Variants in PAK2 observed in about 807,000 individuals in gnomAD.
PAK2 encodes serine/threonine-protein kinase PAK 2.
In PAK2, 21 loss-of-function variants were observed where a neutral mutation model predicts 65.9. The ratio of observed to expected loss-of-function variants is 0.32; its 90% CI spans 0.23 to 0.46. PAK2 has a LOEUF of 0.46. Ranked by LOEUF, PAK2 falls within the 20% of genes least tolerant of loss-of-function variation. The pLI, the probability that PAK2 is intolerant of heterozygous loss-of-function variation, is 1.00. For missense variants in PAK2, 324 were observed against 642.6 expected, an observed-to-expected ratio of 0.50 and a Z score of 5.36; for synonymous variants, 204 against 219.7, an observed-to-expected ratio of 0.93 and a Z score of 0.63.
At chr3:196,807,712 A>G (rs1715630618) in intron 6 of PAK2, 70 bp from the exon 7 acceptor site, 4 of 865,536 alleles carry the variant, frequency 4.6e-6, no homozygotes, top group Admixed American at 4.5e-5. Context: ...AAAGAACTGA[A>G]TTAGTTTGCC....
Position 196,820,532 on chromosome 3 carries a change from G to A in PAK2, c.1315G>A (p.Gly439Arg). The A allele has an allele frequency of 1.2e-6, 2 of 1,608,226 alleles. No individual in the cohort carries two copies. Among genetic ancestry groups the A allele is most frequent in the Non-Finnish European group, 1.7e-6 (2 of 1,176,242 alleles). The change falls in exon 13 of 15, where the codon GGA (glycine) becomes AGA (arginine). Residue 439 changes from glycine to arginine, a missense_variant. Coordinates refer to ENST00000327134, the MANE Select transcript of PAK2 (RefSeq NM_002577.4). This position sits in a 1 kb window ranked among gnomAD's most constrained non-coding sequence, Gnocchi z 4.6. ...LGIMAIEMVEGEPPYLNENPL... is the reference protein window; with the variant it reads ...LGIMAIEMVEREPPYLNENPL... The stretch of plus-strand genomic sequence containing the variant: ...TATCATGGCTATTGAGATGGTAGAA[G>A]GAGAGCCTCCATACCTCAATGAAAA...
At chr3:196,772,273 C>T (rs1011684890) in intron 1 of PAK2, among the ~76,000 whole-genome samples, 23 of 152,282 alleles carry the variant, frequency 1.5e-4, no homozygotes, top group African/African-American at 5.5e-4. Context: ...CTGGGTTTTA[C>T]TACCTGTCCC....
intron 1 of PAK2, among the ~76,000 whole-genome samples, chr3:196,761,145 CTTT>C (rs58174238): frequency 8.4e-6 from 1 of 119,526 alleles, no homozygotes; most frequent in African/African-American, 3.2e-5. Context: ...AGGAGAACCG[CTTT>C]TTTTTTTTTT....
intron 1 of PAK2, among the ~76,000 whole-genome samples, chr3:196,767,783 C>T (rs547653207): frequency 2.0e-5 from 3 of 152,152 alleles, no homozygotes; most frequent in African/African-American, 4.8e-5. Context: ...CGTGAGCCAC[C>T]GTGCCCGGCT....
intron 2 of PAK2, among the ~76,000 whole-genome samples, chr3:196,796,021 G>T (rs539660510): frequency 2.6e-5 from 4 of 152,304 alleles, no homozygotes; most frequent in Admixed American, 2.0e-4. Flanking sequence ...GATCCCTCGC[G>T]TGTGCAGTCC....
intron 1 of PAK2, among the ~76,000 whole-genome samples, chr3:196,745,413 C>T (rs1319788486): frequency 6.6e-6 from 1 of 151,774 alleles, no homozygotes; most frequent in African/African-American, 2.4e-5. Flanking sequence ...CGTGAGCCAC[C>T]GTGCCCAGCC....
At chr3:196,817,182 T>TTTTTG (rs1711508889) in intron 11 of PAK2, among the ~76,000 whole-genome samples, 2 of 124,022 alleles carry the variant, frequency 1.6e-5, no homozygotes, top group African/African-American at 3.3e-5. Flanking sequence ...TTTTTTTTTT[T>TTTTTG]GAGACTGAGT....
chr3:196,817,904 T>C (rs1711525556), intron 11 of PAK2, among the ~76,000 whole-genome samples, 153 bp from the exon 12 acceptor site: 1 of 152,144 alleles, frequency 6.6e-6, no homozygotes, highest in Non-Finnish European at 1.5e-5. Flanking sequence ...CATAACTTTG[T>C]ATATAAGAGA....
intron 2 of PAK2, among the ~76,000 whole-genome samples, chr3:196,797,416 T>C (rs996075890): frequency 1.3e-4 from 19 of 151,834 alleles, no homozygotes; most frequent in African/African-American, 4.4e-4. Context: ...TGAGCTGAGG[T>C]TGCGCCACTG....
At chr3:196,756,113 C>T (rs11920033) in intron 1 of PAK2, among the ~76,000 whole-genome samples, 4,470 of 152,188 alleles carry the variant, frequency 0.029, 210 homozygotes, top group African/African-American at 0.1. Flanking sequence ...TGTTCCCTAC[C>T]GTCAGGCAGT....
intron 1 of PAK2, among the ~76,000 whole-genome samples, chr3:196,775,345 T>G (rs1714500208): frequency 2.0e-5 from 3 of 152,220 alleles, no homozygotes; most frequent in African/African-American, 7.2e-5. Flanking sequence ...CATAAGTTAC[T>G]GCATAGTATA....
At chr3:196,803,273 C>G in intron 4 of PAK2, 109 bp downstream of exon 4, 1 of 871,330 alleles carries the variant, frequency 1.1e-6, no homozygotes, top group Non-Finnish European at 1.7e-6. Context: ...TTGTTGATAA[C>G]GGTTTTTCCC....
chr3:196,826,321 A>G (rs550802284), intron 13 of PAK2, among the ~76,000 whole-genome samples: 59 of 151,926 alleles, frequency 3.9e-4, no homozygotes, highest in Admixed American at 5.9e-4. Context: ...ACAGGCGCCC[A>G]CCACCACGCC....
At position 196,822,700 on chromosome 3, in the gene PAK2, A is replaced by G. The variant is rs1711694295; in HGVS notation, c.1350+2133A>G. On this transcript the variant is annotated intron_variant, in intron 13 of 14. Coordinates refer to ENST00000327134, the MANE Select transcript of PAK2 (RefSeq NM_002577.4). ...GGGTGACGGCTAGGACCTGTCTCAA[A>G]AAAAATACAATAAAAATAAAATGTA... is the stretch of plus-strand genomic sequence containing the variant. 1.3e-5 allele frequency among the ~76,000 whole-genome samples: 2 copies of G among 152,144 alleles called. 1 individual carries two copies. The highest frequency in any genetic ancestry group is 4.1e-4 in the South Asian group (2 of 4,824).
rs182115820 is a variant in PAK2, at chr3:196,828,289, T to C, written c.1489-30T>C. The C allele has an allele frequency of 4.6e-5, 61 of 1,320,250 alleles. No homozygotes were observed. The East Asian group carries it at 8.7e-4, about 19-fold the overall frequency. 81.8% of individuals were successfully genotyped at this position (1,320,250 alleles called of 1,614,324 possible). On this transcript the variant is annotated intron_variant, in intron 14 of 14. Transcript: ENST00000327134. ...TTTCTAACCTGATGAATGGCACTTA[T>C]ACATTTATTTTTCCCCTTCTTTCTG...
chr3:196,795,324 C>G (rs1043018439), intron 2 of PAK2, among the ~76,000 whole-genome samples: 1 of 151,598 alleles, frequency 6.6e-6, no homozygotes, highest in Non-Finnish European at 1.5e-5. Flanking sequence ...GAAAAATTAT[C>G]TGGGCAGGGT....
At chr3:196,766,337 G>A (rs540087695) in intron 1 of PAK2, among the ~76,000 whole-genome samples, 7 of 152,092 alleles carry the variant, frequency 4.6e-5, no homozygotes, top group South Asian at 4.1e-4. Context: ...CTAATAACCC[G>A]GTCATAATCT....
rs1406367056 is a variant in PAK2, at chr3:196,767,455, G to C, written c.-21-15171G>C. Among the ~76,000 whole-genome samples, 5 of 152,124 alleles carry C rather than the reference G, an allele frequency of 3.3e-5. No individual in the cohort carries two copies. In the East Asian group the frequency reaches 7.7e-4, roughly 23 times the overall value. On this transcript the variant is annotated intron_variant, in intron 1 of 14. Coordinates refer to ENST00000327134, the MANE Select transcript of PAK2 (RefSeq NM_002577.4). The stretch of plus-strand genomic sequence containing the variant: ...TGACTATAATAGAAAAAAAGAAAAG[G>C]CGAGCAATTTATAATGAAATACATG...
intron 10 of PAK2, among the ~76,000 whole-genome samples, chr3:196,813,434 G>C (rs1715890247): frequency 6.7e-6 from 1 of 149,350 alleles, no homozygotes; most frequent in Non-Finnish European, 1.5e-5. Context: ...CTCCAGCCTG[G>C]GCAATGGAAT....
Sources: allele counts gnomAD v4.1 joint callset (sites outside exome capture counted in the v4.1 genomes callset), GRCh38; gene constraint gnomAD v4.1.1; non-coding constraint Gnocchi (gnomAD v3.1); transcripts MANE v1.5; gene names NCBI Gene and HGNC (gene_info 2026-07-23, HGNC 2026-07-21).